Variants in ERICH3 observed in about 807,000 individuals in gnomAD.
The protein encoded by ERICH3 is glutamate-rich protein 3.
A neutral mutation model predicts 131.1 loss-of-function variants in ERICH3; 126 were observed. That is an observed-to-expected ratio of 0.96 (90% confidence interval 0.83 to 1.11). ERICH3 has a LOEUF of 1.11. ERICH3 is among the 50% of genes most tolerant of loss of function. The pLI is 0.00. For synonymous variants in ERICH3, 695 were observed against 644.6 expected (o/e 1.08, Z -1.18); for missense variants, 2,050 against 1,810.7 (o/e 1.13, Z -2.40).
intron 8 of ERICH3, among the ~76,000 whole-genome samples, chr1:74,616,982 A>T (rs910425355): frequency 6.6e-6 from 1 of 152,162 alleles, no homozygotes; most frequent in Non-Finnish European, 1.5e-5. Context: ...TGATGTTTTC[A>T]GATATACTTT....
rs11210490 is a variant in ERICH3 at position 74,631,742 on chromosome 1, G to C, written c.790C>G (p.Pro264Ala). 786,014 of 1,612,214 alleles carry C rather than the reference G, an allele frequency of 0.49. 199,450 individuals carry two copies. The highest frequency in any genetic ancestry group is 0.53 in the Non-Finnish European group (624,253 of 1,178,644). The change falls in exon 7 of 15, where the codon CCA becomes GCA. Residue 264 changes from proline to alanine, a missense_variant. Physicochemically the swap from Pro to Ala is conservative, Grantham distance 27. Transcript: ENST00000326665. Reference sequence around the variant, plus strand: ...GTCAAAAGAGGTTCTAAGCCATTTGGAGCAGTGGTTGGACGAAATCTTCTC... The same window carrying C: ...GTCAAAAGAGGTTCTAAGCCATTTGCAGCAGTGGTTGGACGAAATCTTCTC... ...RRRRFRPTTAPNGLEPLLTKD... is the reference protein window; with the variant it reads ...RRRRFRPTTAANGLEPLLTKD...
At chr1:74,615,126 T>G (rs989863299) in intron 8 of ERICH3, 3 of 152,220 alleles carry the variant, frequency 2.0e-5, no homozygotes, top group African/African-American at 7.2e-5. Context: ...GTTTTTTCAT[T>G]GTTTTTCAGA....
intron 12 of ERICH3, among the ~76,000 whole-genome samples, chr1:74,580,526 A>G (rs996775952): frequency 6.6e-6 from 1 of 152,236 alleles, no homozygotes; most frequent in African/African-American, 2.4e-5. Flanking sequence ...GGTATGATGA[A>G]CAATGTCATC....
At position 74,571,465 on chromosome 1, in the gene ERICH3, C is replaced by T; in HGVS notation, c.4245G>A (p.Val1415=). 6.2e-7 allele frequency: 1 copy of T among 1,614,112 alleles called. No homozygotes were observed. Among genetic ancestry groups the T allele is most frequent in the Non-Finnish European group, 8.5e-7 (1 of 1,180,006 alleles). ...VEELARSGEE[V]PAAEEMTVTY... ...TCACTGTCATCTCCTCTGCTGCTGG[C>T]ACTTCCTCCCCACTCCGTGCTAATT... The change falls in exon 14 of 15, where the codon GTG becomes GTA. Residue 1415 remains valine, a synonymous_variant. Coordinates refer to ENST00000326665, the MANE Select transcript of ERICH3 (RefSeq NM_001002912.5).
At chr1:74,656,881 C>T (rs1646590028) in intron 1 of ERICH3, among the ~76,000 whole-genome samples, 1 of 152,236 alleles carries the variant, frequency 6.6e-6, no homozygotes, top group Non-Finnish European at 1.5e-5. Flanking sequence ...ATTTCTTTCA[C>T]CCATGTTTAA....
Position 74,572,959 on chromosome 1 carries a change from A to C in ERICH3, c.2751T>G (p.His917Gln), listed in dbSNP as rs769053722. Residue 917 changes from histidine (H) to glutamine (Q), a missense_variant, in exon 14 of 15, where the codon CAT becomes CAG. His to Gln is a conservative substitution (Grantham distance 24). Coordinates refer to ENST00000326665, the MANE Select transcript of ERICH3 (RefSeq NM_001002912.5). ...EAAALNLEHL[H>Q]EVAALREAAT... ...CTGCCTCTCTCAGGGCTGCTACTTC[A>C]TGAAGATGCTCCAAGTTCAGGGCTG... 6.2e-7 allele frequency: 1 copy of C among 1,613,954 alleles called. No homozygotes were observed. Among genetic ancestry groups the C allele is most frequent in the African/African-American group, 1.3e-5 (1 of 74,884 alleles).
intron 12 of ERICH3, among the ~76,000 whole-genome samples, chr1:74,581,571 T>G (rs1222274456): frequency 6.6e-6 from 1 of 152,220 alleles, no homozygotes; most frequent in Non-Finnish European, 1.5e-5. Flanking sequence ...AATTATATTT[T>G]GTAAATAATT....
intron 7 of ERICH3, 98 bp downstream of exon 7, chr1:74,631,615 G>A: frequency 1.0e-6 from 1 of 977,068 alleles, no homozygotes; most frequent in Non-Finnish European, 1.6e-6. Context: ...CGTTTTGCAT[G>A]CAATTTCCTC....
intron 11 of ERICH3, among the ~76,000 whole-genome samples, chr1:74,593,575 A>G (rs563735780): frequency 3.3e-5 from 5 of 152,250 alleles, no homozygotes; most frequent in African/African-American, 1.2e-4. Context: ...GACATCATAC[A>G]TGTAGCATAT....
At position 74,572,214 on chromosome 1, in the gene ERICH3, A is replaced by G. The variant is rs755807431; in HGVS notation, c.3496T>C (p.Ser1166Pro). ...IFEATPGFEK[S>P]LENITALRKE... Reference sequence around the variant, plus strand: ...CTCAGAGCTGTTATGTTTTCCAGCGACTTTTCAAATCCAGGCGTTGCTTCA... The same window carrying G: ...CTCAGAGCTGTTATGTTTTCCAGCGGCTTTTCAAATCCAGGCGTTGCTTCA... The change falls in exon 14 of 15, where the codon TCG becomes CCG. Residue 1166 changes from serine (S) to proline (P), a missense_variant. Transcript: ENST00000326665. 3.7e-6 allele frequency: 6 copies of G among 1,614,040 alleles called. No individual in the cohort carries two copies. The highest frequency in any genetic ancestry group is 5.1e-6 in the Non-Finnish European group (6 of 1,180,002).
At chr1:74,654,297 T>G (rs1646563629) in intron 1 of ERICH3, among the ~76,000 whole-genome samples, 1 of 152,008 alleles carries the variant, frequency 6.6e-6, no homozygotes, top group Admixed American at 6.6e-5. Flanking sequence ...CATTTTTAGA[T>G]ATGTATATCC....
intron 7 of ERICH3, 47 bp from the exon 8 acceptor site, chr1:74,620,961 T>C: frequency 7.1e-7 from 1 of 1,409,222 alleles, no homozygotes; most frequent in Non-Finnish European, 9.5e-7. Flanking sequence ...TACTTTCTAA[T>C]GAGAGTTCTT....
intron 12 of ERICH3, among the ~76,000 whole-genome samples, chr1:74,582,415 A>G (rs1388167975): frequency 6.6e-6 from 1 of 152,126 alleles, no homozygotes; most frequent in Admixed American, 6.5e-5. Flanking sequence ...TAAACTTTGT[A>G]AAACATTTAA....
intron 3 of ERICH3, among the ~76,000 whole-genome samples, chr1:74,644,949 A>G (rs1016388835): frequency 1.3e-5 from 2 of 151,636 alleles, no homozygotes; most frequent in Admixed American, 1.3e-4. Context: ...ACTTCCTGCC[A>G]CTCTTGCCAA....
intron 7 of ERICH3, among the ~76,000 whole-genome samples, chr1:74,631,405 TAAC>T: frequency 6.6e-6 from 1 of 152,242 alleles, no homozygotes; most frequent in East Asian, 1.9e-4. Flanking sequence ...AAGATGTTTC[TAAC>T]AACATGTGAC....
chr1:74,635,180 G>A (rs1008862545), intron 6 of ERICH3, among the ~76,000 whole-genome samples: 1 of 152,070 alleles, frequency 6.6e-6, no homozygotes, highest in African/African-American at 2.4e-5. Context: ...TCTTCAAAGT[G>A]GAGACCAGAG....
In ERICH3 at chr1:74,633,934, C is replaced by T. The variant is rs187781509; in HGVS notation, c.604-2006G>A. Among the ~76,000 whole-genome samples, 363 of 152,166 alleles carry T rather than the reference C, an allele frequency of 2.4e-3. 1 individual carries two copies. The highest frequency in any genetic ancestry group is 4.7e-3 in the Non-Finnish European group (321 of 67,942). ...TTTCAATCAAGTCATTATTTTTCCT[C>T]ATTTGCATCTCATCCCGTCTGTTTT... is the stretch of plus-strand genomic sequence containing the variant. On this transcript the variant is annotated intron_variant, in intron 6 of 14. Transcript: ENST00000326665.
chr1:74,665,095 A>C (rs1456749240), intron 1 of ERICH3, among the ~76,000 whole-genome samples: 1 of 151,954 alleles, frequency 6.6e-6, no homozygotes, highest in Non-Finnish European at 1.5e-5. Flanking sequence ...ACCCTCATGA[A>C]TGGAATTAGT....
chr1:74,582,980 CT>C (rs552679432), intron 12 of ERICH3, among the ~76,000 whole-genome samples: 65 of 152,130 alleles, frequency 4.3e-4, no homozygotes, highest in African/African-American at 1.4e-3. Flanking sequence ...CTTTTCTCCC[CT>C]GACCCTCCCA....
Sources: allele counts gnomAD v4.1 joint callset (sites outside exome capture counted in the v4.1 genomes callset), GRCh38; gene constraint gnomAD v4.1.1; transcripts MANE v1.5; gene names NCBI Gene and HGNC (gene_info 2026-07-23, HGNC 2026-07-21).